GABRR3: variants seen among roughly 807,000 people sequenced by gnomAD.
GABRR3 encodes gamma-aminobutyric acid type A receptor subunit rho3.
GABRR3 carries 29 observed loss-of-function variants against 43.2 expected under a neutral mutation model. The ratio of observed to expected loss-of-function variants is 0.67; its 90% confidence interval spans 0.50 to 0.92. The LOEUF (loss-of-function observed/expected upper bound fraction) is 0.92, where lower values mean the gene tolerates loss of function less well. Ranked by LOEUF, GABRR3 falls within the 40% of genes least tolerant of loss-of-function variation. The pLI is 0.00. For missense variants in GABRR3, 576 were observed against 572.3 expected, an observed-to-expected ratio of 1.01 and a Z score of -0.07; for synonymous variants, 206 against 195.9, an observed-to-expected ratio of 1.05 and a Z score of -0.43.
At chr3:98,004,252 T>C (rs569535108) in intron 7 of GABRR3, among the ~76,000 whole-genome samples, 5 of 152,174 alleles carry the variant, frequency 3.3e-5, no homozygotes, top group Admixed American at 6.5e-5. Context: ...CTAATATTTA[T>C]TGAGCCTCTA....
In GABRR3 at chr3:98,009,646, C is replaced by T. The variant is rs541966520; in HGVS notation, c.531-608G>A. Among the ~76,000 whole-genome samples, 15 of 152,256 alleles carry T rather than the reference C, an allele frequency of 9.9e-5. No individual in the cohort carries two copies. The South Asian group carries it at 3.1e-3, about 32-fold the overall frequency. ...ATATCCTCCTAGATTTTCCTGGCTT[C>T]AGGCAGAGGCTGCTGTACTATGATC... On this transcript the variant is annotated intron_variant, in intron 5 of 9. Transcript: ENST00000621172.
intron 3 of GABRR3, among the ~76,000 whole-genome samples, chr3:98,020,475 A>AAAAAG (rs1706927397): frequency 7.0e-6 from 1 of 142,492 alleles, no homozygotes; most frequent in Non-Finnish European, 1.5e-5. Flanking sequence ...AAAAAAAAAA[A>AAAAAG]GGAAAAGAAA....
intron 8 of GABRR3, chr3:97,999,726 T>C (rs988293864): frequency 1.3e-5 from 2 of 152,178 alleles, no homozygotes. Flanking sequence ...AGCTAGGCAG[T>C]TGACATGATG....
At chr3:98,011,153 T>C (rs1161253949) in intron 5 of GABRR3, among the ~76,000 whole-genome samples, 2 of 152,188 alleles carry the variant, frequency 1.3e-5, no homozygotes, top group African/African-American at 4.8e-5. Context: ...TTTAATTGCA[T>C]TTTAAGAACA....
intron 1 of GABRR3, 89 bp from the exon 2 acceptor site, chr3:98,035,078 A>G: frequency 2.7e-6 from 4 of 1,463,012 alleles, no homozygotes; most frequent in Non-Finnish European, 3.7e-6. Context: ...TTAAAAAACA[A>G]ACAGCATGTC....
intron 4 of GABRR3, among the ~76,000 whole-genome samples, chr3:98,015,696 C>T (rs146739330): frequency 1.8e-3 from 270 of 151,998 alleles, no homozygotes; most frequent in African/African-American, 4.3e-3. Flanking sequence ...AAGAGGATGA[C>T]GGAAAAGATA....
intron 8 of GABRR3, among the ~76,000 whole-genome samples, chr3:97,995,314 G>T (rs1706522165): frequency 6.6e-6 from 1 of 152,040 alleles, no homozygotes; most frequent in Non-Finnish European, 1.5e-5. Flanking sequence ...GGTTTTTTAA[G>T]ATATAAAACA....
intron 2 of GABRR3, among the ~76,000 whole-genome samples, chr3:98,029,266 G>A (rs1707057627): frequency 1.3e-5 from 2 of 152,068 alleles, no homozygotes; most frequent in Admixed American, 1.3e-4. Flanking sequence ...TCTTTGAATT[G>A]GGGCCTCTTC....
intron 3 of GABRR3, among the ~76,000 whole-genome samples, chr3:98,024,779 A>G (rs779623015): frequency 4.6e-5 from 7 of 152,248 alleles, no homozygotes; most frequent in Admixed American, 2.6e-4. Context: ...GCTGTAAGCC[A>G]GAGAGTTTAA....
chr3:98,026,092 C>T (rs1389738849), intron 2 of GABRR3, among the ~76,000 whole-genome samples: 2 of 152,146 alleles, frequency 1.3e-5, no homozygotes, highest in South Asian at 4.1e-4. Context: ...CCTAGGTGAT[C>T]CTTGGGGTCA....
chr3:97,992,683 G>T, intron 9 of GABRR3, 169 bp downstream of exon 9: 1 of 238,064 alleles, frequency 4.2e-6, no homozygotes, highest in Non-Finnish European at 6.8e-6. Flanking sequence ...AGCCAGCACA[G>T]AGCAGAGGGT....
chr3:98,030,210 A>T (rs1031983808), intron 2 of GABRR3, among the ~76,000 whole-genome samples: 13 of 152,098 alleles, frequency 8.5e-5, no homozygotes, highest in African/African-American at 3.1e-4. Flanking sequence ...CTCAAGAACT[A>T]TAAAAATATT....
chr3:97,993,294 G>C (rs1706495800), intron 8 of GABRR3, among the ~76,000 whole-genome samples: 2 of 152,038 alleles, frequency 1.3e-5, no homozygotes, highest in South Asian at 4.2e-4. Context: ...CCATTTAAAG[G>C]CTTCACAGAA....
chr3:98,030,528 G>A (rs571108112), intron 2 of GABRR3, among the ~76,000 whole-genome samples: 8 of 152,306 alleles, frequency 5.3e-5, no homozygotes, highest in South Asian at 2.1e-4. Context: ...AGGATTAGAC[G>A]TGAGCTTGGA....
intron 4 of GABRR3, among the ~76,000 whole-genome samples, chr3:98,015,770 G>T (rs1216087680): frequency 6.6e-6 from 1 of 152,154 alleles, no homozygotes; most frequent in Non-Finnish European, 1.5e-5. Context: ...ATAGCCATTG[G>T]GTAAGAACAC....
chr3:98,008,850 A>T, intron 6 of GABRR3, 106 bp downstream of exon 6: 1 of 467,386 alleles, frequency 2.1e-6, no homozygotes. Context: ...TTGGATAAAT[A>T]TATCAGTATT....
chr3:98,014,159 A>G (rs945144525), intron 4 of GABRR3, among the ~76,000 whole-genome samples: 3 of 152,238 alleles, frequency 2.0e-5, no homozygotes, highest in Non-Finnish European at 4.4e-5. Flanking sequence ...AACCCAGTCC[A>G]GTTTTATCTG....
intron 8 of GABRR3, 78 bp from the exon 9 acceptor site, chr3:97,993,126 A>C: frequency 8.6e-7 from 1 of 1,166,540 alleles, no homozygotes; most frequent in Non-Finnish European, 1.2e-6. Context: ...ACACCAGGGG[A>C]TGCATTTCTA....
intron 4 of GABRR3, 91 bp from the exon 5 acceptor site, chr3:98,012,658 T>C (rs960335504): frequency 9.8e-6 from 8 of 814,862 alleles, no homozygotes; most frequent in East Asian, 2.5e-5. Flanking sequence ...CTCATTCCTA[T>C]GGTGTTAATG....
Sources: gnomAD v4.1 joint callset for allele counts (sites outside exome capture counted in the v4.1 genomes callset) on GRCh38, gnomAD v4.1.1 for gene constraint, MANE v1.5 for transcripts, NCBI Gene and HGNC (gene_info 2026-07-23, HGNC 2026-07-21) for gene names.